SPATS2L: variants seen among roughly 807,000 people sequenced by gnomAD.
SPATS2L encodes spermatogenesis associated serine rich 2 like.
SPATS2L carries 30 observed loss-of-function variants against 59.6 expected under a neutral mutation model. The ratio of observed to expected loss-of-function variants is 0.50; its 90% CI spans 0.38 to 0.68. SPATS2L has a LOEUF of 0.68. Ranked by LOEUF, SPATS2L falls within the 30% of genes least tolerant of loss-of-function variation. The pLI is 0.00. For synonymous variants in SPATS2L, 252 were observed against 263.5 expected (o/e 0.96, Z 0.42); for missense variants, 615 against 700.0 (o/e 0.88, Z 1.37).
intron 4 of SPATS2L, among the ~76,000 whole-genome samples, chr2:200,416,108 AT>A (rs2083045635): frequency 6.6e-6 from 1 of 152,124 alleles, no homozygotes; most frequent in Non-Finnish European, 1.5e-5. Flanking sequence ...GATATATTTC[AT>A]TTTCCGTACG....
At position 200,478,062 on chromosome 2, in the gene SPATS2L, G is replaced by C. The variant is rs745839703; in HGVS notation, c.*31G>C. On this transcript the variant is annotated 3_prime_UTR_variant, in exon 13 of 13. Coordinates refer to ENST00000409140, the MANE Select transcript of SPATS2L (RefSeq NM_001100423.2). ...GAGGAAAAAGAGCAGTTTTCACTCA[G>C]TTTTGGTTCCCTGCCCGAGGTGCTG... 28 of 1,513,894 alleles carry C rather than the reference G, an allele frequency of 1.8e-5. No homozygotes were observed. The highest frequency in any genetic ancestry group is 3.5e-6 in the Non-Finnish European group (4 of 1,133,186). 93.8% of individuals were successfully genotyped at this position (1,513,894 alleles called of 1,614,324 possible). A position where few individuals can be genotyped will look rare whatever the true frequency, so the allele number is the denominator to read the frequency against.
chr2:200,353,865 T>C (rs1485940673), intron 2 of SPATS2L, among the ~76,000 whole-genome samples: 2 of 152,198 alleles, frequency 1.3e-5, no homozygotes, highest in Admixed American at 6.5e-5. Flanking sequence ...CCTCTCTTTA[T>C]AGTGAGAAGA....
At chr2:200,404,993 C>G (rs2105967678) in intron 3 of SPATS2L, among the ~76,000 whole-genome samples, 1 of 152,184 alleles carries the variant, frequency 6.6e-6, no homozygotes, top group East Asian at 1.9e-4. Flanking sequence ...GATGATCTCC[C>G]CATTTGAAGG....
intron 3 of SPATS2L, among the ~76,000 whole-genome samples, chr2:200,405,782 G>C (rs1335213247): frequency 1.3e-5 from 2 of 152,152 alleles, no homozygotes; most frequent in Non-Finnish European, 1.5e-5. Context: ...GTGTGAGGAG[G>C]AGGTTGCTGG....
rs1308296163 is a variant in SPATS2L, at chr2:200,389,563, C to G, written c.39+280C>G. 9 of 322,674 alleles carry G rather than the reference C, an allele frequency of 2.8e-5. No homozygotes were observed. The East Asian group carries it at 5.4e-4, about 19-fold the overall frequency. 20.0% of individuals were successfully genotyped at this position (322,674 alleles called of 1,614,324 possible). On this transcript the variant is annotated intron_variant, in intron 3 of 12. Coordinates refer to ENST00000409140, the MANE Select transcript of SPATS2L (RefSeq NM_001100423.2). ...TTTTACAGAGGTGGAAATTGAGAAA[C>G]AGAGAAGTAATTTGGCTAAGTTAAC...
At chr2:200,311,877 G>A (rs1003070727) in intron 1 of SPATS2L, among the ~76,000 whole-genome samples, 3 of 152,120 alleles carry the variant, frequency 2.0e-5, no homozygotes, top group African/African-American at 7.2e-5. Flanking sequence ...TGTTTGAGGT[G>A]ATTACTGAAA....
rs192435580 is a variant in SPATS2L at position 200,452,386 on chromosome 2, A to G, written c.789-7383A>G. 5.6e-4 allele frequency among the ~76,000 whole-genome samples: 86 copies of G among 152,328 alleles called. 1 individual carries two copies. Among genetic ancestry groups the G allele is most frequent in the African/African-American group, 2.0e-3 (82 of 41,574 alleles). ...TCCAATAAGAAAAAGAAATCCCTGT[A>G]TATTTTTTAATTAATTATGTCCTTT... On this transcript the variant is annotated intron_variant, in intron 8 of 12. Transcript: ENST00000409140.
chr2:200,386,186 C>T (rs1386665291), intron 2 of SPATS2L, among the ~76,000 whole-genome samples: 1 of 150,774 alleles, frequency 6.6e-6, no homozygotes, highest in Non-Finnish European at 1.5e-5. Flanking sequence ...AGGCAGCCTT[C>T]CAGAGCCTGT....
chr2:200,473,083 G>GAAA (rs11402412), intron 12 of SPATS2L, 31 bp downstream of exon 12: 196 of 1,232,218 alleles, frequency 1.6e-4, no homozygotes, highest in South Asian at 3.0e-4. Context: ...GGTGCCAGAG[G>GAAA]AAAAAAAAAA....
chr2:200,307,365 G>A (rs1054541435), intron 1 of SPATS2L, among the ~76,000 whole-genome samples: 2 of 151,812 alleles, frequency 1.3e-5, no homozygotes, highest in Non-Finnish European at 2.9e-5. Flanking sequence ...TCTCTGGCCC[G>A]GAGCCGCAAA....
At chr2:200,345,015 T>A (rs2080464787) in intron 2 of SPATS2L, among the ~76,000 whole-genome samples, 1 of 152,232 alleles carries the variant, frequency 6.6e-6, no homozygotes, top group Non-Finnish European at 1.5e-5. Flanking sequence ...ATTCTTTAGA[T>A]TGTCTGTTTG....
intron 11 of SPATS2L, among the ~76,000 whole-genome samples, chr2:200,470,670 A>G (rs1408824380): frequency 6.6e-6 from 1 of 152,218 alleles, no homozygotes; most frequent in Non-Finnish European, 1.5e-5. Context: ...GGACTAGTCA[A>G]TGACGTGGAA....
intron 1 of SPATS2L, among the ~76,000 whole-genome samples, chr2:200,315,472 A>G (rs372881057): frequency 6.6e-6 from 1 of 152,330 alleles, no homozygotes; most frequent in East Asian, 1.9e-4. Flanking sequence ...GTGAGGCACC[A>G]GCTGAAACCC....
intron 2 of SPATS2L, among the ~76,000 whole-genome samples, chr2:200,354,602 C>T (rs1327008637): frequency 7.1e-5 from 10 of 141,504 alleles, no homozygotes; most frequent in Non-Finnish European, 8.9e-5. Context: ...AGCAAGACTC[C>T]GTCTCAAAAA....
intron 2 of SPATS2L, among the ~76,000 whole-genome samples, chr2:200,334,222 A>G (rs375782197): frequency 2.0e-5 from 3 of 151,726 alleles, no homozygotes; most frequent in Admixed American, 6.6e-5. Flanking sequence ...GTATCTCATT[A>G]TGGTTTTGAT....
rs751717641 is a variant in SPATS2L, at chr2:200,472,983, C to T, written c.1212C>T (p.Asn404=). The change falls in exon 12 of 13, where the codon AAC becomes AAT. Residue 404 remains asparagine (N), a synonymous_variant. Coordinates refer to ENST00000409140, the MANE Select transcript of SPATS2L (RefSeq NM_001100423.2). Reference sequence around the variant, plus strand: ...AGCCCTCTGAAGGCAAAGCGGCAAACCCCAAAATGGTGAGCAGTCTCCCCA... The same window carrying T: ...AGCCCTCTGAAGGCAAAGCGGCAAATCCCAAAATGGTGAGCAGTCTCCCCA... ...HNKPSEGKAA[N]PKMVSSLPST... is the part of the protein sequence containing the mutation. The T allele has an allele frequency of 6.2e-7, 1 of 1,613,856 alleles. No homozygotes were observed.
At chr2:200,334,107 A>G (rs1391903289) in intron 2 of SPATS2L, among the ~76,000 whole-genome samples, 3 of 152,216 alleles carry the variant, frequency 2.0e-5, no homozygotes, top group Admixed American at 1.3e-4. Context: ...GAACTAGTTT[A>G]TAGTCCCACC....
chr2:200,399,901 G>A (rs1338747131), intron 3 of SPATS2L, among the ~76,000 whole-genome samples: 2 of 152,186 alleles, frequency 1.3e-5, no homozygotes, highest in South Asian at 2.1e-4. Context: ...TGGTTAAAGG[G>A]TAATAGTGAC....
At chr2:200,459,857 AG>A (rs757768956) in intron 9 of SPATS2L, 30 bp downstream of exon 9, 13 of 1,522,354 alleles carry the variant, frequency 8.5e-6, no homozygotes, top group Non-Finnish European at 2.7e-6. Context: ...TTATTTGATT[AG>A]GAGCTTCCCA....
Sources: gnomAD v4.1 joint callset for allele counts (sites outside exome capture counted in the v4.1 genomes callset) on GRCh38, gnomAD v4.1.1 for gene constraint, MANE v1.5 for transcripts, NCBI Gene and HGNC (gene_info 2026-07-23, HGNC 2026-07-21) for gene names.